The following EDA variants were observed in gnomAD, a reference collection of about 807,000 sequenced individuals.
EDA encodes the protein ectodysplasin-A.
Under a neutral mutation model 23.6 loss-of-function variants are expected in EDA, and 2 were observed. The ratio of observed to expected loss-of-function variants is 0.08; its 90% CI spans 0.03 to 0.27. EDA has a LOEUF of 0.27. Ranked by LOEUF, EDA falls within the 10% of genes least tolerant of loss-of-function variation. The pLI is 1.00. For missense variants in EDA, 229 were observed against 324.2 expected, an observed-to-expected ratio of 0.71 and a Z score of 2.26; for synonymous variants, 131 against 132.0, an observed-to-expected ratio of 0.99 and a Z score of 0.05.
At chrX:69,788,147 T>TC (rs1365423877) in intron 1 of EDA, among the ~76,000 whole-genome samples, 1 of 111,780 alleles carries the variant, frequency 8.9e-6, no homozygotes, top group Non-Finnish European at 1.9e-5. Flanking sequence ...CTCCATCAGC[T>TC]CCTTTAAGCA....
intron 1 of EDA, among the ~76,000 whole-genome samples, chrX:69,717,919 TAGTG>T (rs1175002453): frequency 9.0e-6 from 1 of 111,545 alleles, no homozygotes; most frequent in Non-Finnish European, 1.9e-5. Flanking sequence ...GTTTATGTGA[TAGTG>T]AGTTATCATG....
chrX:69,689,616 T>C (rs1212011955), intron 1 of EDA, among the ~76,000 whole-genome samples: 2 of 105,149 alleles, frequency 1.9e-5, no homozygotes, highest in African/African-American at 3.3e-5. Context: ...ATTACAGGTG[T>C]GAGCCACCGC....
chrX:69,755,940 C>A (rs2804381), intron 1 of EDA, among the ~76,000 whole-genome samples: 1 of 111,046 alleles, frequency 9.0e-6, no homozygotes, highest in Non-Finnish European at 1.9e-5. Context: ...GGGGAGTGTC[C>A]CAATTTTCCA....
chrX:69,676,884 T>A (rs1313197196), intron 1 of EDA, among the ~76,000 whole-genome samples: 1 of 108,161 alleles, frequency 9.2e-6, no homozygotes, highest in Non-Finnish European at 1.9e-5. Context: ...ATGTGCAGGT[T>A]AGTTACATAT....
chrX:69,789,772 A>C (rs2015344547), intron 1 of EDA, among the ~76,000 whole-genome samples: 1 of 112,085 alleles, frequency 8.9e-6, no homozygotes, highest in African/African-American at 3.2e-5. Context: ...GGATGCAGTT[A>C]TACAGTCTCT....
intron 2 of EDA, among the ~76,000 whole-genome samples, chrX:70,012,777 G>A (rs113605532): frequency 0.012 from 1,373 of 111,933 alleles, 22 homozygotes; most frequent in African/African-American, 0.042. Context: ...TGTTTTCCAC[G>A]TGGATCTGTG....
chrX:69,824,473 G>C (rs1241238815), intron 1 of EDA, among the ~76,000 whole-genome samples: 1 of 110,753 alleles, frequency 9.0e-6, no homozygotes, highest in Non-Finnish European at 1.9e-5. Context: ...GTGAATGGGA[G>C]TTCTCTCATG....
intron 2 of EDA, among the ~76,000 whole-genome samples, chrX:70,012,546 T>A (rs946751169): frequency 8.9e-6 from 1 of 112,656 alleles, no homozygotes; most frequent in African/African-American, 3.2e-5. Context: ...GAAACTCCTA[T>A]ACTGCTGAAA....
chrX:69,919,670 C>CA lies in EDA; in HGVS notation c.397-37353dup, dbSNP rs2018397845. The stretch of plus-strand genomic sequence containing the variant: ...TACTGTGAATTTAATTGAAAAGCAT[C>CA]AAAATAAGGAATCATATCTGAAGAG... On this transcript the variant is annotated intron_variant, in intron 1 of 7. Coordinates refer to ENST00000374552, the MANE Select transcript of EDA (RefSeq NM_001399.5). Among the ~76,000 whole-genome samples the CA allele has an allele frequency of 3.6e-5, 4 of 112,045 alleles. No homozygotes were observed. In the South Asian group the frequency reaches 1.5e-3, roughly 41 times the overall value.
chrX:69,787,893 A>C (rs962740400), intron 1 of EDA, among the ~76,000 whole-genome samples: 1 of 111,794 alleles, frequency 8.9e-6, no homozygotes, highest in East Asian at 2.8e-4. Flanking sequence ...GTGTTTTCCA[A>C]CTTGGCTCCA....
intron 1 of EDA, among the ~76,000 whole-genome samples, chrX:69,875,391 T>A (rs1171632597): frequency 8.9e-6 from 1 of 111,926 alleles, no homozygotes; most frequent in Non-Finnish European, 1.9e-5. Context: ...AAGAACACCC[T>A]ATTCAACAAA....
intron 1 of EDA, among the ~76,000 whole-genome samples, chrX:69,669,697 A>G (rs767205208): frequency 9.1e-6 from 1 of 109,930 alleles, no homozygotes; most frequent in East Asian, 2.8e-4. Flanking sequence ...TTAGATTCAC[A>G]TGGTACATGT....
intron 1 of EDA, among the ~76,000 whole-genome samples, chrX:69,738,987 T>G (rs2013362142): frequency 9.0e-6 from 1 of 111,359 alleles, no homozygotes; most frequent in Non-Finnish European, 1.9e-5. Context: ...AGTGTTATAT[T>G]GATGTCTGTA....
intron 3 of EDA, among the ~76,000 whole-genome samples, chrX:70,024,316 A>G (rs754751005): frequency 8.9e-6 from 1 of 111,941 alleles, no homozygotes; most frequent in South Asian, 3.8e-4. Context: ...CACATGGAAA[A>G]GTTGTGTGCC....
intron 1 of EDA, among the ~76,000 whole-genome samples, chrX:69,663,177 A>C (rs1455738625): frequency 8.9e-6 from 1 of 112,210 alleles, no homozygotes; most frequent in African/African-American, 3.2e-5. Flanking sequence ...GTTAATTGCC[A>C]AGACAATAGG....
At chrX:69,971,339 A>G (rs988172489) in intron 2 of EDA, among the ~76,000 whole-genome samples, 3 of 112,621 alleles carry the variant, frequency 2.7e-5, no homozygotes, top group African/African-American at 6.5e-5. Context: ...TATTTATCAT[A>G]AAAGTTGAAT....
intron 1 of EDA, among the ~76,000 whole-genome samples, chrX:69,764,481 G>A (rs897705753): frequency 9.3e-6 from 1 of 107,831 alleles, no homozygotes; most frequent in Non-Finnish European, 1.9e-5. Flanking sequence ...GATCTCAAGT[G>A]ATCCACCCGC....
At chrX:69,872,967 G>T (rs1348060586) in intron 1 of EDA, among the ~76,000 whole-genome samples, 9 of 110,876 alleles carry the variant, frequency 8.1e-5, no homozygotes, top group Non-Finnish European at 1.7e-4. Context: ...TCAGCACATG[G>T]AACATTCTCC....
chrX:69,746,383 A>AAGT (rs1457099939), intron 1 of EDA, among the ~76,000 whole-genome samples: 1 of 111,668 alleles, frequency 9.0e-6, no homozygotes, highest in Non-Finnish European at 1.9e-5. Context: ...CAGAAGTCTG[A>AAGT]AGTCTAGGCA....
Sources: allele counts gnomAD v4.1 joint callset (sites outside exome capture counted in the v4.1 genomes callset), GRCh38; gene constraint gnomAD v4.1.1; transcripts MANE v1.5; gene names NCBI Gene and HGNC (gene_info 2026-07-23, HGNC 2026-07-21).